TIE1: variants seen among roughly 807,000 people sequenced by gnomAD.
TIE1 encodes the protein tyrosine-protein kinase receptor Tie-1.
Under a neutral mutation model 130.5 loss-of-function variants are expected in TIE1, and 89 were observed. That is an observed-to-expected ratio of 0.68 (90% CI 0.57 to 0.81). The LOEUF is 0.81. Among genes scored for constraint, TIE1 ranks in the 40% least tolerant of loss-of-function variants. The pLI, the probability that TIE1 is intolerant of heterozygous loss-of-function variation, is 0.00. For synonymous variants in TIE1, 568 were observed against 629.4 expected (o/e 0.90, Z 1.46); for missense variants, 1,392 against 1,559.8 (o/e 0.89, Z 1.81).
Position 43,307,002 on chromosome 1 carries a change from G to A in TIE1, c.640+7G>A, listed in dbSNP as rs867460602. The A allele has an allele frequency of 1.2e-6, 2 of 1,613,766 alleles. No individual in the cohort carries two copies. Among genetic ancestry groups the A allele is most frequent in the East Asian group, 2.2e-5 (1 of 44,872 alleles). Reference sequence around the variant, plus strand: ...TTTCGGCTCATCGTGCGGGGTCAGAGGCAGAGGGCAGAGGTTGTGGGTAGG... The same window carrying A: ...TTTCGGCTCATCGTGCGGGGTCAGAAGCAGAGGGCAGAGGTTGTGGGTAGG... On this transcript the variant is annotated splice_region_variant and intron_variant, in intron 4 of 22. Transcript: ENST00000372476. The surrounding 1 kb of genome is among the most constrained non-coding windows in gnomAD (Gnocchi z 5.4).
intron 7 of TIE1, chr1:43,308,774 C>T (rs1409320653): frequency 7.3e-6 from 5 of 681,578 alleles, no homozygotes; most frequent in South Asian, 1.5e-5. Context: ...TAGACGGTAT[C>T]GGGAAGTGGG....
In TIE1 at chr1:43,312,753, G is replaced by A. The variant is rs1646812616; in HGVS notation, c.1927+152G>A. The A allele has an allele frequency of 2.2e-6, 2 of 926,176 alleles. No homozygotes were observed. The highest frequency in any genetic ancestry group is 1.6e-6 in the Non-Finnish European group (1 of 639,444). The allele number at this position is 926,176 out of a possible 1,614,324, so 57.4% of individuals were successfully genotyped here. ...AGGGTATTAGGCAGACGTGACCCCA[G>A]CGGGGACATGGGACTTGGGGAAGAT... On this transcript the variant is annotated intron_variant, in intron 12 of 22. Coordinates refer to ENST00000372476, the MANE Select transcript of TIE1 (RefSeq NM_005424.5). The surrounding 1 kb of genome is among the most constrained non-coding windows in gnomAD (Gnocchi z 5.6).
At chr1:43,314,565 C>G in intron 14 of TIE1, 1 of 989,442 alleles carries the variant, frequency 1.0e-6, no homozygotes, top group South Asian at 4.6e-5. Context: ...CAGTGACTTG[C>G]ACCTGTAATC....
Position 43,317,789 on chromosome 1 carries a change from C to G in TIE1, c.2732-93C>G. 6.6e-7 allele frequency: 1 copy of G among 1,504,132 alleles called. No homozygotes were observed. Among genetic ancestry groups the G allele is most frequent in the Non-Finnish European group, 9.2e-7 (1 of 1,092,366 alleles). The allele number at this position is 1,504,132 out of a possible 1,614,324, so 93.2% of individuals were successfully genotyped here. A position where few individuals can be genotyped will look rare whatever the true frequency, so the allele number is the denominator to read the frequency against. ...TGGTGACCTGTGCACCACCCTTGAT[C>G]CTCCTTCATCCCTGTCTGTTACCAT... On this transcript the variant is annotated intron_variant, in intron 16 of 22. Coordinates refer to ENST00000372476, the MANE Select transcript of TIE1 (RefSeq NM_005424.5). This position sits in a 1 kb window ranked among gnomAD's most constrained non-coding sequence, Gnocchi z 5.1.
intron 14 of TIE1, chr1:43,314,273 A>G: frequency 1.1e-6 from 1 of 878,740 alleles, no homozygotes; most frequent in Non-Finnish European, 1.5e-6. Flanking sequence ...CGTCAATTGG[A>G]GATTTTCCTC....
Position 43,309,526 on chromosome 1 carries a change from G to A in TIE1, c.1327G>A (p.Val443Met), listed in dbSNP as rs181716929. The change falls in exon 9 of 23, where the codon GTG (valine) becomes ATG (methionine). Residue 443 changes from valine (V) to methionine (M), a missense_variant. Physicochemically the swap from Val to Met is conservative, Grantham distance 21. Coordinates refer to ENST00000372476, the MANE Select transcript of TIE1 (RefSeq NM_005424.5). This position sits in a 1 kb window ranked among gnomAD's most constrained non-coding sequence, Gnocchi z 6.3. ...AGACAGCCGGCGCTTCAAGGTCAAT[G>A]TGAAAGGTCAGTGATGTCCTAGGTC... ...GQDSRRFKVNVKVPPVPLAAP... is the reference protein window; with the variant it reads ...GQDSRRFKVNMKVPPVPLAAP... 3.8e-6 allele frequency: 6 copies of A among 1,585,266 alleles called. No individual in the cohort carries two copies. In the Admixed American group the frequency reaches 5.4e-5, roughly 14 times the overall value.
chr1:43,313,874 C>CCT lies in TIE1; in HGVS notation c.2316_2317dup (p.Cys773SerfsTer10), dbSNP rs1557449919. On this transcript the variant is annotated frameshift_variant, in exon 14 of 23. Transcript: ENST00000372476. LOFTEE classifies it high-confidence loss of function. The surrounding 1 kb of genome is among the most constrained non-coding windows in gnomAD (Gnocchi z 6.2). ...GCGGTGGTGGGCTCCGTGTCTGCCACCTGCCTCACCATCCTGGCTGCCCTT... is the reference window on the plus strand; with the variant it reads ...GCGGTGGTGGGCTCCGTGTCTGCCACCTCTGCCTCACCATCCTGGCTGCCCTT... 16 of 1,614,076 alleles carry CCT rather than the reference C, an allele frequency of 9.9e-6. No homozygotes were observed. The highest frequency in any genetic ancestry group is 1.3e-5 in the Non-Finnish European group (15 of 1,179,990).
Position 43,318,053 on chromosome 1 carries a change from A to C in TIE1, c.2903A>C (p.Gln968Pro), listed in dbSNP as rs778907708. 10 of 1,561,052 alleles carry C rather than the reference A, an allele frequency of 6.4e-6. No individual in the cohort carries two copies. Among genetic ancestry groups the C allele is most frequent in the Admixed American group, 3.6e-5 (2 of 54,830 alleles). ...GCCAGTGATGCGGCCAATGGCATGC[A>C]GTACCTGAGTGAGAAGCAGGTGTGT... ...RFASDAANGMQYLSEKQFIHR... is the reference protein window; with the variant it reads ...RFASDAANGMPYLSEKQFIHR... The change falls in exon 17 of 23, where the codon CAG becomes CCG. Residue 968 changes from glutamine (Q) to proline (P), a missense_variant. This residue lies in a region of TIE1 where 286 missense variants were observed against 354.4 expected (regional missense o/e 0.81). Coordinates refer to ENST00000372476, the MANE Select transcript of TIE1 (RefSeq NM_005424.5). This position sits in a 1 kb window ranked among gnomAD's most constrained non-coding sequence, Gnocchi z 4.4.
In TIE1 at chr1:43,309,403, G is replaced by C. The variant is rs1443890052; in HGVS notation, c.1204G>C (p.Val402Leu). 1 of 1,600,148 alleles carries C rather than the reference G, an allele frequency of 6.2e-7. No homozygotes were observed. The change falls in exon 9 of 23, where the codon GTG becomes CTG. Residue 402 changes from valine (V) to leucine (L), a missense_variant. By Grantham distance (32) the Val-to-Leu change is conservative. Coordinates refer to ENST00000372476, the MANE Select transcript of TIE1 (RefSeq NM_005424.5). This position sits in a 1 kb window ranked among gnomAD's most constrained non-coding sequence, Gnocchi z 6.3. ...TCTCTTTTAGTCCACCAAGGCCATT[G>C]TGGAGCCAGAGAAGACCACAGCTGA... ...GTVLLSTKAI[V>L]EPEKTTAEFE...
chr1:43,322,642 TG>T lies in TIE1; in HGVS notation c.3346-8del. ...TCCTGGCCCCCACTAAAGCTTGCTC[TG>T]CCCCCAGGCCTATGTGAACATGTCG... On this transcript the variant is annotated splice_polypyrimidine_tract_variant and splice_region_variant and intron_variant, in intron 22 of 22. Coordinates refer to ENST00000372476, the MANE Select transcript of TIE1 (RefSeq NM_005424.5). The surrounding 1 kb of genome is among the most constrained non-coding windows in gnomAD (Gnocchi z 4.0). 6.2e-7 allele frequency: 1 copy of T among 1,613,920 alleles called. No homozygotes were observed. The highest frequency in any genetic ancestry group is 8.5e-7 in the Non-Finnish European group (1 of 1,179,870).
Position 43,314,753 on chromosome 1 carries a change from G to A in TIE1, c.2409+785G>A, listed in dbSNP as rs554264712. ...TGAGGCAGGAGAATTGCTTAAACCCGGGAGGCGGAGGTTGCAGTGAGCCGA... is the reference window on the plus strand; with the variant it reads ...TGAGGCAGGAGAATTGCTTAAACCCAGGAGGCGGAGGTTGCAGTGAGCCGA... On this transcript the variant is annotated intron_variant, in intron 14 of 22. Transcript: ENST00000372476. 6.9e-4 allele frequency among the ~76,000 whole-genome samples: 105 copies of A among 152,194 alleles called. 2 individuals are homozygous for A. In the South Asian group the frequency reaches 7.9e-3, roughly 11 times the overall value.
At position 43,318,027 on chromosome 1, in the gene TIE1, C is replaced by T. The variant is rs953415095; in HGVS notation, c.2877C>T (p.Phe959=). ...TTAGCTCCCGGCAGCTGCTGCGTTT[C>T]GCCAGTGATGCGGCCAATGGCATGC... is the stretch of plus-strand genomic sequence containing the variant. ...STLSSRQLLR[F]ASDAANGMQY... Residue 959 remains phenylalanine (F), a synonymous_variant, in exon 17 of 23, where the codon TTC becomes TTT. Transcript: ENST00000372476. This position sits in a 1 kb window ranked among gnomAD's most constrained non-coding sequence, Gnocchi z 4.4. The T allele has an allele frequency of 3.2e-5, 51 of 1,586,272 alleles. No homozygotes were observed. Among genetic ancestry groups the T allele is most frequent in the Non-Finnish European group, 3.9e-5 (46 of 1,165,836 alleles).
rs754765207 is a variant in TIE1 at position 43,319,554 on chromosome 1, G to A, written c.3107+25G>A. On this transcript the variant is annotated intron_variant, in intron 19 of 22. Transcript: ENST00000372476. The surrounding 1 kb of genome is among the most constrained non-coding windows in gnomAD (Gnocchi z 4.7). The stretch of plus-strand genomic sequence containing the variant: ...TGTGAGTGTGAGATGAGAGGGCACA[G>A]GAGGGCTTGGCCCCCAAGAATCACC... The A allele has an allele frequency of 6.2e-7, 1 of 1,611,708 alleles. No homozygotes were observed. The highest frequency in any genetic ancestry group is 1.1e-5 in the South Asian group (1 of 91,010).
At chr1:43,314,594 G>A (rs963848888) in intron 14 of TIE1, 83 of 975,584 alleles carry the variant, frequency 8.5e-5, no homozygotes, top group Non-Finnish European at 9.9e-5. Flanking sequence ...TTGGGAGGCT[G>A]AGGCGGGTGG....
rs956453949 is a variant in TIE1 at position 43,315,160 on chromosome 1, G to A, written c.2409+1192G>A. Reference sequence around the variant, plus strand: ...GTCACATTCTAGCCGCCCATCCGCAGGTCCTGTCTCCTCTGAGGGCTTCTT... The same window carrying A: ...GTCACATTCTAGCCGCCCATCCGCAAGTCCTGTCTCCTCTGAGGGCTTCTT... On this transcript the variant is annotated intron_variant, in intron 14 of 22. Transcript: ENST00000372476. This position sits in a 1 kb window ranked among gnomAD's most constrained non-coding sequence, Gnocchi z 4.4. 3.3e-5 allele frequency: 5 copies of A among 152,326 alleles called. No homozygotes were observed. Among genetic ancestry groups the A allele is most frequent in the Middle Eastern group, 3.2e-3 (1 of 316 alleles). 9.4% of individuals were successfully genotyped at this position (152,326 alleles called of 1,614,324 possible).
rs1646663943 is a variant in TIE1, at chr1:43,301,025, A to AC, written c.-43dup. 3.1e-6 allele frequency: 5 copies of AC among 1,605,020 alleles called. No individual in the cohort carries two copies. The South Asian group carries it at 5.5e-5, about 18-fold the overall frequency. On this transcript the variant is annotated 5_prime_UTR_variant, in exon 1 of 23. Coordinates refer to ENST00000372476, the MANE Select transcript of TIE1 (RefSeq NM_005424.5). Reference sequence around the variant, plus strand: ...TGAGCAGTCAGGCCCACAGCATCTGACCCCAGGCCCAGCTCGTCCTGGCTG... The same window carrying AC: ...TGAGCAGTCAGGCCCACAGCATCTGACCCCCAGGCCCAGCTCGTCCTGGCTG...
At position 43,306,935 on chromosome 1, in the gene TIE1, A is replaced by G; in HGVS notation, c.580A>G (p.Ser194Gly). The G allele has an allele frequency of 6.2e-7, 1 of 1,614,048 alleles. No homozygotes were observed. The highest frequency in any genetic ancestry group is 1.1e-5 in the South Asian group (1 of 91,086). Reference sequence around the variant, plus strand: ...GCAGCCACCATCGAGCGGCATCTACAGTGCCACTTACCTGGAAGCCAGCCC... The same window carrying G: ...GCAGCCACCATCGAGCGGCATCTACGGTGCCACTTACCTGGAAGCCAGCCC... ...NVQPPSSGIY[S>G]ATYLEASPLG... Residue 194 changes from serine (S) to glycine (G), a missense_variant, in exon 4 of 23, where the codon AGT (serine) becomes GGT (glycine). Transcript: ENST00000372476. The surrounding 1 kb of genome is among the most constrained non-coding windows in gnomAD (Gnocchi z 4.9).
rs1465838798 is a variant in TIE1, at chr1:43,313,930, C to A, written c.2371C>A (p.Leu791Met). ...LTLVCIRRSC[L>M]HRRRTFTYQS... The stretch of plus-strand genomic sequence containing the variant: ...CCTGGTGTGCATCCGCAGAAGCTGC[C>A]TGCATCGGAGACGCACCTTCACCTA... The change falls in exon 14 of 23, where the codon CTG becomes ATG. Residue 791 changes from leucine (L) to methionine (M), a missense_variant. Physicochemically the swap from Leu to Met is conservative, Grantham distance 15. This residue lies in a region of TIE1 where 286 missense variants were observed against 354.4 expected (regional missense o/e 0.81). Coordinates refer to ENST00000372476, the MANE Select transcript of TIE1 (RefSeq NM_005424.5). This position sits in a 1 kb window ranked among gnomAD's most constrained non-coding sequence, Gnocchi z 6.2. The A allele has an allele frequency of 6.2e-7, 1 of 1,614,172 alleles. No individual in the cohort carries two copies. Among genetic ancestry groups the A allele is most frequent in the African/African-American group, 1.3e-5 (1 of 75,038 alleles).
In TIE1 at chr1:43,317,893, A is replaced by C. The variant is rs1485658028; in HGVS notation, c.2743A>C (p.Ile915Leu). The stretch of plus-strand genomic sequence containing the variant: ...TCTTTGCCTCTCAGGTTACTTGTAT[A>C]TCGCTATTGAATATGCCCCCTACGG... ...GACKNRGYLYIAIEYAPYGNL... is the reference protein window; with the variant it reads ...GACKNRGYLYLAIEYAPYGNL... The change falls in exon 17 of 23, where the codon ATC (isoleucine) becomes CTC (leucine). Residue 915 changes from isoleucine to leucine, a missense_variant. Ile to Leu is a conservative substitution (Grantham distance 5). Transcript: ENST00000372476. This position sits in a 1 kb window ranked among gnomAD's most constrained non-coding sequence, Gnocchi z 5.1. 1 of 1,614,074 alleles carries C rather than the reference A, an allele frequency of 6.2e-7. No homozygotes were observed. The highest frequency in any genetic ancestry group is 8.5e-7 in the Non-Finnish European group (1 of 1,179,966).
Sources: gnomAD v4.1 joint callset for allele counts (sites outside exome capture counted in the v4.1 genomes callset) on GRCh38, gnomAD v4.1.1 for gene constraint, gnomAD v4.1.1 regional missense constraint, Gnocchi (gnomAD v3.1) non-coding constraint, MANE v1.5 for transcripts, NCBI Gene and HGNC (gene_info 2026-07-23, HGNC 2026-07-21) for gene names.